Variants in EDIL3 observed in about 807,000 individuals in gnomAD.
The protein encoded by EDIL3 is EGF-like repeat and discoidin I-like domain-containing protein 3.
In EDIL3, 37 loss-of-function variants were observed where a neutral mutation model predicts 67.4. The ratio of observed to expected loss-of-function variants is 0.55; its 90% CI spans 0.42 to 0.72. The LOEUF is 0.72. Ranked by LOEUF, EDIL3 falls within the 30% of genes least tolerant of loss-of-function variation. The pLI is 0.00. For synonymous variants in EDIL3, 195 were observed against 196.3 expected (o/e 0.99, Z 0.05); for missense variants, 527 against 586.3 (o/e 0.90, Z 1.04).
At chr5:84,072,158 T>C (rs943952410) in intron 6 of EDIL3, among the ~76,000 whole-genome samples, 1 of 152,002 alleles carries the variant, frequency 6.6e-6, no homozygotes, top group African/African-American at 2.4e-5. Context: ...AAGTAAAAAT[T>C]TCTGCAAGAT....
intron 6 of EDIL3, among the ~76,000 whole-genome samples, chr5:84,088,459 A>G (rs1002982949): frequency 1.3e-5 from 2 of 152,222 alleles, no homozygotes. Context: ...TTATGTAAAA[A>G]TACTGGCTTA....
At chr5:84,239,182 T>C (rs541893577) in intron 2 of EDIL3, among the ~76,000 whole-genome samples, 9 of 152,312 alleles carry the variant, frequency 5.9e-5, no homozygotes, top group African/African-American at 2.2e-4. Context: ...TTAACTGAGA[T>C]AAATATCCCT....
At chr5:83,982,851 G>C (rs554623231) in intron 9 of EDIL3, among the ~76,000 whole-genome samples, 1 of 152,246 alleles carries the variant, frequency 6.6e-6, no homozygotes, top group Admixed American at 6.5e-5. Flanking sequence ...CAATCTATCT[G>C]ATGCATGTTT....
intron 3 of EDIL3, among the ~76,000 whole-genome samples, chr5:84,222,816 T>C (rs1433218387): frequency 6.6e-6 from 1 of 151,816 alleles, no homozygotes; most frequent in East Asian, 1.9e-4. Context: ...GCCCTCTCTT[T>C]AATTGGTTTA....
intron 10 of EDIL3, among the ~76,000 whole-genome samples, chr5:83,946,880 CT>C (rs1200020679): frequency 6.6e-6 from 1 of 151,852 alleles, no homozygotes; most frequent in East Asian, 1.9e-4. Context: ...AAATGTGCTT[CT>C]TTTCATTTGT....
intron 3 of EDIL3, among the ~76,000 whole-genome samples, chr5:84,213,996 A>G (rs1744178565): frequency 6.6e-6 from 1 of 152,084 alleles, no homozygotes; most frequent in South Asian, 2.1e-4. Flanking sequence ...TTCCCCCTAC[A>G]TGACCAGTGC....
chr5:83,949,805 C>A lies in EDIL3; in HGVS notation c.1294-6237G>T, dbSNP rs117029850. Among the ~76,000 whole-genome samples, 877 of 151,868 alleles carry A rather than the reference C, an allele frequency of 5.8e-3. 27 individuals carry two copies. In the East Asian group the frequency reaches 0.086, roughly 15 times the overall value. On this transcript the variant is annotated intron_variant, in intron 10 of 10. Coordinates refer to ENST00000296591, the MANE Select transcript of EDIL3 (RefSeq NM_005711.5). ...TACCCAAGGAGGAGTCTGTTTTTCA[C>A]CCTCAGCAACTTGAAGGTAATCTCT...
intron 4 of EDIL3, among the ~76,000 whole-genome samples, chr5:84,169,584 T>C (rs1748775997): frequency 6.6e-6 from 1 of 151,066 alleles, no homozygotes; most frequent in South Asian, 2.1e-4. Context: ...TAATCTATCC[T>C]CCATTTCTAA....
intron 4 of EDIL3, among the ~76,000 whole-genome samples, chr5:84,158,560 A>G (rs2112337038): frequency 6.6e-6 from 1 of 152,194 alleles, no homozygotes; most frequent in East Asian, 1.9e-4. Context: ...CTTCCAGCAT[A>G]TACAAGATAC....
intron 1 of EDIL3, among the ~76,000 whole-genome samples, chr5:84,284,598 G>A (rs1745773365): frequency 6.6e-6 from 1 of 152,166 alleles, no homozygotes. Flanking sequence ...ACTAGTGGTA[G>A]GGTTACATGA....
rs184264995 is a variant in EDIL3 at position 83,940,771 on chromosome 5, C to G, written c.*2648G>C. ...GTTATTTCTGCACTTAATGACACAT[C>G]AGACGCATTGAGTATATTTCATAAG... On this transcript the variant is annotated 3_prime_UTR_variant, in exon 11 of 11. Coordinates refer to ENST00000296591, the MANE Select transcript of EDIL3 (RefSeq NM_005711.5). The G allele has an allele frequency of 3.0e-4, 45 of 152,082 alleles. No homozygotes were observed. Among genetic ancestry groups the G allele is most frequent in the African/African-American group, 1.0e-3 (43 of 41,540 alleles). The allele number at this position is 152,082 out of a possible 1,614,324, so 9.4% of individuals were successfully genotyped here.
At position 83,942,835 on chromosome 5, in the gene EDIL3, A is replaced by C. The variant is rs1025351660; in HGVS notation, c.*584T>G. On this transcript the variant is annotated 3_prime_UTR_variant, in exon 11 of 11. Transcript: ENST00000296591. The stretch of plus-strand genomic sequence containing the variant: ...TAGAACTAAAAGAAAAAGAAGTCAC[A>C]TAATCTCTTATTAGAAATAATGAAA... The C allele has an allele frequency of 2.0e-5, 3 of 152,632 alleles. No homozygotes were observed. Among genetic ancestry groups the C allele is most frequent in the African/African-American group, 7.2e-5 (3 of 41,456 alleles). 9.5% of individuals were successfully genotyped at this position (152,632 alleles called of 1,614,324 possible).
chr5:83,946,609 T>C (rs528487568), intron 10 of EDIL3, among the ~76,000 whole-genome samples: 19 of 151,960 alleles, frequency 1.3e-4, no homozygotes, highest in Non-Finnish European at 2.6e-4. Flanking sequence ...AAAATCTTGT[T>C]TCTAGCAGCA....
rs1382698072 is a variant in EDIL3, at chr5:84,237,296, G to A, written c.197-7412C>T. Among the ~76,000 whole-genome samples, 3 of 152,098 alleles carry A rather than the reference G, an allele frequency of 2.0e-5. No individual in the cohort carries two copies. The East Asian group carries it at 5.8e-4, about 29-fold the overall frequency. Reference sequence around the variant, plus strand: ...AAGTAATGAATTGATCAGCAATACTGGCACAAATCTCAGTGACAGTATCCA... The same window carrying A: ...AAGTAATGAATTGATCAGCAATACTAGCACAAATCTCAGTGACAGTATCCA... On this transcript the variant is annotated intron_variant, in intron 2 of 10. Transcript: ENST00000296591.
intron 1 of EDIL3, among the ~76,000 whole-genome samples, chr5:84,307,696 G>A (rs982177935): frequency 8.5e-5 from 13 of 152,186 alleles, no homozygotes; most frequent in African/African-American, 3.1e-4. Context: ...AGAGAGCAAG[G>A]CCAAACTTGA....
At chr5:84,030,843 A>G (rs1402259481) in intron 9 of EDIL3, among the ~76,000 whole-genome samples, 1 of 152,132 alleles carries the variant, frequency 6.6e-6, no homozygotes, top group Non-Finnish European at 1.5e-5. Context: ...ACACTTCTGT[A>G]TGCTTGACTA....
chr5:84,209,012 T>C (rs1744053983), intron 3 of EDIL3, among the ~76,000 whole-genome samples: 1 of 152,146 alleles, frequency 6.6e-6, no homozygotes, highest in African/African-American at 2.4e-5. Flanking sequence ...TAAGAAAATG[T>C]GGCACATATA....
intron 6 of EDIL3, among the ~76,000 whole-genome samples, chr5:84,091,840 C>T (rs1053185121): frequency 5.3e-5 from 8 of 152,186 alleles, no homozygotes; most frequent in African/African-American, 1.9e-4. Context: ...CTAATTGTTA[C>T]ATTAGAGGCA....
At chr5:84,229,525 T>C (rs1174462083) in intron 3 of EDIL3, among the ~76,000 whole-genome samples, 2 of 152,178 alleles carry the variant, frequency 1.3e-5, no homozygotes, top group Non-Finnish European at 2.9e-5. Context: ...TTATCATTCA[T>C]TCTCCTCACT....
Sources: gnomAD v4.1 joint callset for allele counts (sites outside exome capture counted in the v4.1 genomes callset) on GRCh38, gnomAD v4.1.1 for gene constraint, MANE v1.5 for transcripts, NCBI Gene and HGNC (gene_info 2026-07-23, HGNC 2026-07-21) for gene names.